ULK4: variants seen among roughly 807,000 people sequenced by gnomAD.
ULK4 encodes inactive serine/threonine-protein kinase ULK4.
ULK4 carries 133 observed loss-of-function variants against 160.6 expected under a neutral mutation model. The observed-to-expected ratio is 0.83, with a 90% CI of 0.72 to 0.96. The LOEUF (loss-of-function observed/expected upper bound fraction) is 0.96. Ranked by LOEUF, ULK4 falls within the 40% of genes least tolerant of loss-of-function variation. ULK4 has a pLI of 0.00. For synonymous variants in ULK4, 534 were observed against 539.8 expected (o/e 0.99, Z 0.15); for missense variants, 1,580 against 1,499.5 (o/e 1.05, Z -0.89).
At chr3:41,756,245 T>C (rs551724201) in intron 21 of ULK4, among the ~76,000 whole-genome samples, 2 of 152,314 alleles carry the variant, frequency 1.3e-5, no homozygotes, top group East Asian at 3.9e-4. Context: ...GGCTGTATTA[T>C]TTCTATGCAC....
intron 35 of ULK4, among the ~76,000 whole-genome samples, chr3:41,375,653 G>T (rs144672224): frequency 6.7e-6 from 1 of 150,316 alleles, no homozygotes; most frequent in African/African-American, 2.5e-5. Context: ...ATATTTAAAT[G>T]TAAGACCTAA....
chr3:41,596,085 C>T (rs973004145), intron 31 of ULK4, among the ~76,000 whole-genome samples: 1 of 152,152 alleles, frequency 6.6e-6, no homozygotes, highest in African/African-American at 2.4e-5. Context: ...CAGGGATACT[C>T]TAGTCATTAC....
intron 19 of ULK4, among the ~76,000 whole-genome samples, chr3:41,810,141 C>T (rs1459641624): frequency 6.6e-6 from 1 of 152,070 alleles, no homozygotes; most frequent in African/African-American, 2.4e-5. Context: ...AAGACACTGC[C>T]CTGTCTTCAT....
intron 22 of ULK4, among the ~76,000 whole-genome samples, chr3:41,734,524 T>C (rs2037959804): frequency 6.6e-6 from 1 of 151,968 alleles, no homozygotes; most frequent in African/African-American, 2.4e-5. Flanking sequence ...AGCACATAGG[T>C]AGTGTTTGAA....
chr3:41,258,477 CG>C (rs1559491000), intron 35 of ULK4: 51 of 152,228 alleles, frequency 3.4e-4, no homozygotes, highest in African/African-American at 1.2e-3. Context: ...AGAACGCCAG[CG>C]AAGAGTGTAA....
chr3:41,424,420 A>G (rs1236707466), intron 34 of ULK4, among the ~76,000 whole-genome samples: 1 of 152,126 alleles, frequency 6.6e-6, no homozygotes, highest in South Asian at 2.1e-4. Flanking sequence ...CAGAAGGACC[A>G]AAAGTGCTTC....
At chr3:41,588,863 A>G (rs116170446) in intron 31 of ULK4, among the ~76,000 whole-genome samples, 2,142 of 152,312 alleles carry the variant, frequency 0.014, 49 homozygotes, top group African/African-American at 0.048. Flanking sequence ...ACTGAGGTCA[A>G]TATTTTTTAA....
chr3:41,702,570 T>C (rs967919654), intron 27 of ULK4, among the ~76,000 whole-genome samples: 7 of 152,100 alleles, frequency 4.6e-5, no homozygotes, highest in African/African-American at 1.4e-4. Context: ...AAACAAAGTT[T>C]GCATGATTAT....
intron 5 of ULK4, among the ~76,000 whole-genome samples, chr3:41,924,231 T>C (rs544027312): frequency 6.6e-6 from 1 of 152,280 alleles, no homozygotes; most frequent in African/African-American, 2.4e-5. Context: ...GTAGGGTGAT[T>C]TTTTTCATGT....
chr3:41,943,396 C>A (rs1717024), intron 2 of ULK4, among the ~76,000 whole-genome samples: 104,042 of 151,892 alleles, frequency 0.68, 39,147 homozygotes, highest in East Asian at 0.83. Flanking sequence ...GTTACACATC[C>A]TAGCCTGTGA....
intron 30 of ULK4, among the ~76,000 whole-genome samples, chr3:41,641,436 A>C (rs1376910722): frequency 1.3e-5 from 2 of 152,086 alleles, no homozygotes; most frequent in African/African-American, 2.4e-5. Context: ...GTGGCTCATG[A>C]CTGCAATCCC....
In ULK4 at chr3:41,931,473, A is replaced by AT. The variant is rs1553688664; in HGVS notation, c.541+370_541+371insA. Among the ~76,000 whole-genome samples the AT allele has an allele frequency of 8.5e-3, 902 of 105,502 alleles. 7 individuals are homozygous for AT. The highest frequency in any genetic ancestry group is 0.041 in the Middle Eastern group (6 of 148). 69.2% of individuals were successfully genotyped at this position (105,502 alleles called of 152,430 possible). ...TCTGCACATGTACCCTAGAACTTAAAAAAAAAAAAAAAAAAGAAAGAAATA... is the reference window on the plus strand; with the variant it reads ...TCTGCACATGTACCCTAGAACTTAAATAAAAAAAAAAAAAAAGAAAGAAATA... On this transcript the variant is annotated intron_variant, in intron 5 of 36. Coordinates refer to ENST00000301831, the MANE Select transcript of ULK4 (RefSeq NM_017886.4).
chr3:41,375,796 A>G (rs1030948725), intron 35 of ULK4, among the ~76,000 whole-genome samples: 2 of 150,400 alleles, frequency 1.3e-5, no homozygotes, highest in African/African-American at 2.5e-5. Flanking sequence ...TAATTAAACT[A>G]AAGAGCTTCT....
intron 18 of ULK4, among the ~76,000 whole-genome samples, chr3:41,820,879 G>C (rs1575765121): frequency 6.6e-6 from 1 of 152,246 alleles, no homozygotes. Context: ...TCCCTTACTT[G>C]ATTATAGAAT....
At chr3:41,932,064 C>T in intron 4 of ULK4, 58 bp from the exon 5 acceptor site, 1 of 1,483,208 alleles carries the variant, frequency 6.7e-7, no homozygotes, top group South Asian at 1.3e-5. Flanking sequence ...GTACATATAT[C>T]AGTACCTCTT....
chr3:41,294,596 T>C (rs2079633432), intron 35 of ULK4, among the ~76,000 whole-genome samples: 2 of 152,144 alleles, frequency 1.3e-5, no homozygotes. Flanking sequence ...CTGGTCAAAA[T>C]GGCCGGCAGT....
intron 5 of ULK4, among the ~76,000 whole-genome samples, chr3:41,923,869 G>C (rs1308465437): frequency 6.6e-6 from 1 of 152,108 alleles, no homozygotes; most frequent in East Asian, 1.9e-4. Context: ...ACTGAGCGTA[G>C]TTTGACATAA....
rs558733306 is a variant in ULK4 at position 41,445,090 on chromosome 3, G to A, written c.3492+10407C>T. On this transcript the variant is annotated intron_variant, in intron 34 of 36. Coordinates refer to ENST00000301831, the MANE Select transcript of ULK4 (RefSeq NM_017886.4). Reference sequence around the variant, plus strand: ...CTTATACACCAATAACAGACAAACAGAGAGCCAAATCAGGAGTGAACTCCC... The same window carrying A: ...CTTATACACCAATAACAGACAAACAAAGAGCCAAATCAGGAGTGAACTCCC... Among the ~76,000 whole-genome samples, 31 of 152,280 alleles carry A rather than the reference G, an allele frequency of 2.0e-4. No individual in the cohort carries two copies. In the East Asian group the frequency reaches 5.0e-3, roughly 25 times the overall value.
At position 41,300,837 on chromosome 3, in the gene ULK4, T is replaced by TTATA. The variant is rs66602936; in HGVS notation, c.3679-51267_3679-51264dup. 9.8e-3 allele frequency among the ~76,000 whole-genome samples: 565 copies of TTATA among 57,520 alleles called. 7 individuals carry two copies. The highest frequency in any genetic ancestry group is 0.015 in the Non-Finnish European group (356 of 24,504). 37.7% of individuals were successfully genotyped at this position (57,520 alleles called of 152,430 possible). A position where few individuals can be genotyped will look rare whatever the true frequency, so the allele number is the denominator to read the frequency against. On this transcript the variant is annotated intron_variant, in intron 35 of 36. Coordinates refer to ENST00000301831, the MANE Select transcript of ULK4 (RefSeq NM_017886.4). ...GATTAAATTTTGATCATTTTACAGA[T>TTATA]TATATATATATATATATATATATAT...
Sources: allele counts gnomAD v4.1 joint callset (sites outside exome capture counted in the v4.1 genomes callset), GRCh38; gene constraint gnomAD v4.1.1; transcripts MANE v1.5; gene names NCBI Gene and HGNC (gene_info 2026-07-23, HGNC 2026-07-21).